The following SYNE1 variants were observed in gnomAD, a reference collection of about 807,000 sequenced individuals.
The protein encoded by SYNE1 is nesprin-1.
A neutral mutation model predicts 1,111.0 loss-of-function variants in SYNE1; 616 were observed. The observed-to-expected ratio is 0.55, with a 90% CI of 0.52 to 0.59. SYNE1 has a LOEUF of 0.59. SYNE1 is among the 20% of genes least tolerant of loss of function. The probability of loss-of-function intolerance (pLI) is 0.00; values close to 1 mark genes in which losing one functional copy is unlikely to be tolerated. For missense variants in SYNE1, 10,006 were observed against 10,417.0 expected (o/e 0.96, Z 1.72); for synonymous variants, 3,855 against 3,825.8 (o/e 1.01, Z -0.28).
intron 2 of SYNE1, among the ~76,000 whole-genome samples, chr6:152,630,110 T>C (rs1224607310): frequency 6.6e-6 from 1 of 151,792 alleles, no homozygotes; most frequent in Non-Finnish European, 1.5e-5. Context: ...GCTAGTAACA[T>C]GCTTTTTAGC....
Position 152,347,070 on chromosome 6 carries a change from T to A in SYNE1, c.12067A>T (p.Thr4023Ser). ...CTGGGGGCACTCACCCTCTGAGCTG[T>A]GCTGCAGATCGCTGAGTAGCTGTCC... ...TKDSYSAICSTAQRMYQSLEH... is the reference protein window; with the variant it reads ...TKDSYSAICSSAQRMYQSLEH... Residue 4023 changes from threonine to serine, a missense_variant, in exon 73 of 146, where the codon ACA becomes TCA. This residue lies in a region of SYNE1 where 4,955 missense variants were observed against 5,017.2 expected (regional missense o/e 0.99). Coordinates refer to ENST00000367255, the MANE Select transcript of SYNE1 (RefSeq NM_182961.4). 6.2e-7 allele frequency: 1 copy of A among 1,614,232 alleles called. No homozygotes were observed. Among genetic ancestry groups the A allele is most frequent in the African/African-American group, 1.3e-5 (1 of 75,070 alleles).
chr6:152,346,765 G>T (rs948786126), intron 73 of SYNE1, among the ~76,000 whole-genome samples: 5 of 152,034 alleles, frequency 3.3e-5, no homozygotes, highest in Admixed American at 6.5e-5. Context: ...AGCCGAGATC[G>T]CGCCACTGCA....
At chr6:152,563,775 A>G (rs1248705211) in intron 3 of SYNE1, among the ~76,000 whole-genome samples, 1 of 152,206 alleles carries the variant, frequency 6.6e-6, no homozygotes, top group African/African-American at 2.4e-5. Flanking sequence ...TTACATAGGC[A>G]TTTAATTTCT....
chr6:152,351,796 T>A (rs1010312559), intron 70 of SYNE1, among the ~76,000 whole-genome samples: 1 of 152,198 alleles, frequency 6.6e-6, no homozygotes, highest in African/African-American at 2.4e-5. Flanking sequence ...TCAATAAATA[T>A]ATTGATACAA....
chr6:152,223,932 C>T (rs986247003), intron 117 of SYNE1, among the ~76,000 whole-genome samples: 1 of 152,056 alleles, frequency 6.6e-6, no homozygotes, highest in Non-Finnish European at 1.5e-5. Context: ...GGAGAGAGTG[C>T]TATGTTGAAG....
chr6:152,487,388 T>G (rs942498611), intron 12 of SYNE1, among the ~76,000 whole-genome samples: 1 of 152,234 alleles, frequency 6.6e-6, no homozygotes, highest in African/African-American at 2.4e-5. Flanking sequence ...CTTGTTCCTT[T>G]ATATGGCAGC....
At chr6:152,357,363 T>C (rs1477976229) in intron 66 of SYNE1, among the ~76,000 whole-genome samples, 1 of 152,182 alleles carries the variant, frequency 6.6e-6, no homozygotes, top group Non-Finnish European at 1.5e-5. Context: ...CTGATAATCA[T>C]GATGGTCCCT....
intron 2 of SYNE1, among the ~76,000 whole-genome samples, chr6:152,630,418 T>C (rs1183977666): frequency 1.3e-5 from 2 of 152,218 alleles, no homozygotes; most frequent in Admixed American, 1.3e-4. Context: ...TACTTGTGGT[T>C]GGGCTGTCAC....
chr6:152,554,934 T>G (rs1342743703), intron 3 of SYNE1, among the ~76,000 whole-genome samples: 1 of 152,216 alleles, frequency 6.6e-6, no homozygotes, highest in Non-Finnish European at 1.5e-5. Context: ...GGACTTAAGT[T>G]CTAATTTTTA....
Position 152,219,107 on chromosome 6 carries a change from C to T in SYNE1, c.21940G>A (p.Val7314Met), listed in dbSNP as rs1315199143. The change falls in exon 120 of 146, where the codon GTG (valine) becomes ATG (methionine). Residue 7314 changes from valine (V) to methionine (M), a missense_variant. Val to Met is a conservative substitution (Grantham distance 21). This residue lies in a region of SYNE1 where 2,182 missense variants were observed against 2,287.8 expected (regional missense o/e 0.95). Coordinates refer to ENST00000367255, the MANE Select transcript of SYNE1 (RefSeq NM_182961.4). The stretch of plus-strand genomic sequence containing the variant: ...ATAGCTGATGCTGCGGAAGCATCCA[C>T]TTGTTGCTTCAGTTGCTCTCCCAGC... ...HELGEQLKQQ[V>M]DASAASAIQS... The T allele has an allele frequency of 1.9e-6, 3 of 1,613,936 alleles. No individual in the cohort carries two copies. The highest frequency in any genetic ancestry group is 2.2e-5 in the South Asian group (2 of 91,088).
intron 86 of SYNE1, among the ~76,000 whole-genome samples, chr6:152,317,226 T>C (rs552905213): frequency 1.6e-4 from 23 of 143,512 alleles, no homozygotes; most frequent in Admixed American, 1.6e-3. Flanking sequence ...CTTTCTTTTT[T>C]CTTTTTTCTT....
chr6:152,578,252 G>C (rs963368374), intron 3 of SYNE1, among the ~76,000 whole-genome samples: 1 of 151,908 alleles, frequency 6.6e-6, no homozygotes, highest in African/African-American at 2.4e-5. Context: ...ACCTTCACCC[G>C]GTCTGCCCCA....
intron 133 of SYNE1, 37 bp from the exon 134 acceptor site, chr6:152,152,178 A>T: frequency 6.3e-7 from 1 of 1,593,712 alleles, no homozygotes; most frequent in Non-Finnish European, 8.6e-7. Flanking sequence ...GTGAGAAATC[A>T]GCGAAGGACT....
At position 152,329,716 on chromosome 6, in the gene SYNE1, C is replaced by A; in HGVS notation, c.14955+14G>T. The A allele has an allele frequency of 1.2e-6, 2 of 1,614,104 alleles. No individual in the cohort carries two copies. Among genetic ancestry groups the A allele is most frequent in the South Asian group, 1.1e-5 (1 of 91,030 alleles). On this transcript the variant is annotated intron_variant, in intron 78 of 145. Coordinates refer to ENST00000367255, the MANE Select transcript of SYNE1 (RefSeq NM_182961.4). ...AGAGTGGAAAAAAGAGAAGTGAAGT[C>A]CTATTATACCCACCTGTCTGGTGCG... is the stretch of plus-strand genomic sequence containing the variant.
At chr6:152,586,754 T>C (rs2099540808) in intron 3 of SYNE1, among the ~76,000 whole-genome samples, 1 of 152,060 alleles carries the variant, frequency 6.6e-6, no homozygotes, top group Non-Finnish European at 1.5e-5. Flanking sequence ...TTTGGATGGG[T>C]ACAGAGTTTC....
chr6:152,395,326 G>C (rs1244324607), intron 51 of SYNE1, among the ~76,000 whole-genome samples, 190 bp downstream of exon 51: 2 of 152,142 alleles, frequency 1.3e-5, no homozygotes, highest in African/African-American at 4.8e-5. Flanking sequence ...CTTCCATCCT[G>C]CACTCTCACC....
At chr6:152,328,458 T>C (rs1230457282) in intron 78 of SYNE1, among the ~76,000 whole-genome samples, 2 of 151,784 alleles carry the variant, frequency 1.3e-5, no homozygotes, top group Admixed American at 1.3e-4. Flanking sequence ...TAGGCTGGAG[T>C]GCAATGTCAT....
intron 139 of SYNE1, among the ~76,000 whole-genome samples, chr6:152,140,903 C>T (rs962456686): frequency 2.6e-5 from 4 of 151,482 alleles, no homozygotes; most frequent in African/African-American, 4.8e-5. Flanking sequence ...GGCGTGGTGG[C>T]GGGCGCCTGT....
At position 152,300,491 on chromosome 6, in the gene SYNE1, T is replaced by C. The variant is rs2095110282; in HGVS notation, c.17682+150A>G. On this transcript the variant is annotated intron_variant, in intron 93 of 145. Transcript: ENST00000367255. ...GACATACTGAGACACATGACAATCATAGTTTGTGCAACTATAACACCTAAT... is the reference window on the plus strand; with the variant it reads ...GACATACTGAGACACATGACAATCACAGTTTGTGCAACTATAACACCTAAT... The C allele has an allele frequency of 2.5e-5, 29 of 1,139,910 alleles. No individual in the cohort carries two copies. In the South Asian group the frequency reaches 3.4e-4, roughly 14 times the overall value. The allele number at this position is 1,139,910 out of a possible 1,614,324, so 70.6% of individuals were successfully genotyped here.
Sources: allele counts gnomAD v4.1 joint callset (sites outside exome capture counted in the v4.1 genomes callset), GRCh38; gene constraint gnomAD v4.1.1; regional missense constraint gnomAD v4.1.1; transcripts MANE v1.5; gene names NCBI Gene and HGNC (gene_info 2026-07-23, HGNC 2026-07-21).